The following AK5 variants were observed in gnomAD, a reference collection of about 807,000 sequenced individuals.
AK5 encodes adenylate kinase isoenzyme 5.
Under a neutral mutation model 69.5 loss-of-function variants are expected in AK5, and 27 were observed. The ratio of observed to expected loss-of-function variants is 0.39; its 90% CI spans 0.29 to 0.54. The LOEUF is 0.54. Among genes scored for constraint, AK5 ranks in the 20% least tolerant of loss-of-function variants. AK5 has a pLI of 0.71. For synonymous variants in AK5, 260 were observed against 244.4 expected, an observed-to-expected ratio of 1.06 and a Z score of -0.60; for missense variants, 531 against 700.4, an observed-to-expected ratio of 0.76 and a Z score of 2.73.
In AK5 at chr1:77,452,840, A is replaced by G. The variant is rs187869996; in HGVS notation, c.1060-30477A>G. 6.2e-4 allele frequency among the ~76,000 whole-genome samples: 95 copies of G among 152,344 alleles called. 2 individuals are homozygous for G. The East Asian group carries it at 0.015, about 24-fold the overall frequency. On this transcript the variant is annotated intron_variant, in intron 8 of 13. Transcript: ENST00000354567. ...AGCACACATGCTTTCTTAAATACCT[A>G]CAGCCAGAGTCCAGAACATATCCAT...
chr1:77,404,918 T>A lies in AK5; in HGVS notation c.892-6063T>A, dbSNP rs560786517. Among the ~76,000 whole-genome samples the A allele has an allele frequency of 4.6e-5, 7 of 152,340 alleles. No individual in the cohort carries two copies. The East Asian group carries it at 1.2e-3, about 25-fold the overall frequency. On this transcript the variant is annotated intron_variant, in intron 6 of 13. Coordinates refer to ENST00000354567, the MANE Select transcript of AK5 (RefSeq NM_174858.3). ...TATCTTTTCCTCTTGAATTGGACAA[T>A]CAGCCATTTTAGTCTATGCTGGAAA...
At chr1:77,297,527 A>G (rs1460384328) in intron 3 of AK5, 32 bp from the exon 4 acceptor site, 4 of 1,556,634 alleles carry the variant, frequency 2.6e-6, no homozygotes, top group Non-Finnish European at 3.5e-6. Context: ...ATTGTATCAG[A>G]AGATCACAGT....
chr1:77,558,322 AGT>A (rs995376796), intron 13 of AK5, among the ~76,000 whole-genome samples: 1 of 152,212 alleles, frequency 6.6e-6, no homozygotes, highest in African/African-American at 2.4e-5. Context: ...ACAAGCAATG[AGT>A]GAGAGTTCCT....
chr1:77,282,415 T>C, intron 1 of AK5, 42 bp downstream of exon 1: 2 of 1,529,616 alleles, frequency 1.3e-6, no homozygotes, highest in Non-Finnish European at 1.8e-6. Flanking sequence ...ATCCGGGGAC[T>C]GCATCTCAGG....
At chr1:77,480,938 G>A (rs772134471) in intron 8 of AK5, among the ~76,000 whole-genome samples, 9 of 152,192 alleles carry the variant, frequency 5.9e-5, no homozygotes, top group Non-Finnish European at 1.2e-4. Context: ...AAGCAGGATA[G>A]GGCAGGGGTA....
chr1:77,444,471 TAC>T lies in AK5; in HGVS notation c.1059+26757_1059+26758del, dbSNP rs1316707797. On this transcript the variant is annotated intron_variant, in intron 8 of 13. Transcript: ENST00000354567. ...ATAGTATATACATAGTATAAATATA[TAC>T]TATATATAGTATATACATAGTATAA... Among the ~76,000 whole-genome samples the T allele has an allele frequency of 2.0e-3, 21 of 10,588 alleles. 1 individual carries two copies. The Admixed American group carries it at 0.022, about 11-fold the overall frequency. The allele number at this position is 10,588 out of a possible 152,430, so 6.9% of individuals were successfully genotyped here. A position where few individuals can be genotyped will look rare whatever the true frequency, so the allele number is the denominator to read the frequency against.
At chr1:77,313,203 C>A (rs1660055939) in intron 5 of AK5, among the ~76,000 whole-genome samples, 1 of 152,048 alleles carries the variant, frequency 6.6e-6, no homozygotes, top group Admixed American at 6.6e-5. Context: ...TATCACTTTA[C>A]TCCCCAAGAT....
chr1:77,422,912 A>C (rs986990328), intron 8 of AK5, among the ~76,000 whole-genome samples: 6 of 152,158 alleles, frequency 3.9e-5, no homozygotes, highest in Non-Finnish European at 7.4e-5. Context: ...TGGTGGTGAC[A>C]ACCCCACTTA....
intron 6 of AK5, among the ~76,000 whole-genome samples, chr1:77,373,576 A>G (rs1006268932): frequency 6.6e-6 from 1 of 152,160 alleles, no homozygotes; most frequent in South Asian, 2.1e-4. Flanking sequence ...AAATACAAAA[A>G]TTAGCCAGGC....
At chr1:77,554,771 A>ATT (rs1230738530) in intron 13 of AK5, among the ~76,000 whole-genome samples, 24,105 of 119,472 alleles carry the variant, frequency 0.2, 2,706 homozygotes, top group East Asian at 0.41. Flanking sequence ...ATGCCCGGCT[A>ATT]TTTTTTTTTT....
chr1:77,439,271 G>A (rs545743428), intron 8 of AK5, among the ~76,000 whole-genome samples: 19 of 152,196 alleles, frequency 1.2e-4, no homozygotes, highest in Non-Finnish European at 2.4e-4. Flanking sequence ...AAGGAAAAAT[G>A]AGGAAGATTA....
At chr1:77,542,532 C>A (rs1254425998) in intron 13 of AK5, among the ~76,000 whole-genome samples, 1 of 152,108 alleles carries the variant, frequency 6.6e-6, no homozygotes, top group Non-Finnish European at 1.5e-5. Context: ...ACAAGGAATA[C>A]CCAGAGAGAA....
rs184558234 is a variant in AK5, at chr1:77,459,920, A to G, written c.1060-23397A>G. On this transcript the variant is annotated intron_variant, in intron 8 of 13. Transcript: ENST00000354567. The stretch of plus-strand genomic sequence containing the variant: ...TTTTATAATATTTTAAAGAAATGCA[A>G]TTTATAATCTTTAATCTAGTATAAT... Among the ~76,000 whole-genome samples the G allele has an allele frequency of 5.3e-3, 810 of 152,298 alleles. 15 individuals carry two copies. The highest frequency in any genetic ancestry group is 0.048 in the Admixed American group (733 of 15,294).
intron 12 of AK5, among the ~76,000 whole-genome samples, chr1:77,533,566 GC>G (rs2100351542): frequency 6.7e-6 from 1 of 149,468 alleles, no homozygotes; most frequent in African/African-American, 2.5e-5. Context: ...CGCGTGTTGT[GC>G]CTGAGAGTCT....
chr1:77,484,507 A>C (rs1049898954), intron 9 of AK5, among the ~76,000 whole-genome samples: 1 of 152,224 alleles, frequency 6.6e-6, no homozygotes, highest in African/African-American at 2.4e-5. Flanking sequence ...CACAGTCACC[A>C]AATGACATCT....
intron 8 of AK5, among the ~76,000 whole-genome samples, chr1:77,466,916 T>A (rs1406135316): frequency 6.6e-6 from 1 of 152,126 alleles, no homozygotes; most frequent in Non-Finnish European, 1.5e-5. Flanking sequence ...AGGGTAGGGA[T>A]CTAGTGCTTT....
At position 77,368,302 on chromosome 1, in the gene AK5, A is replaced by C. The variant is rs566948525; in HGVS notation, c.891+27734A>C. Among the ~76,000 whole-genome samples, 661 of 98,180 alleles carry C rather than the reference A, an allele frequency of 6.7e-3. 12 individuals are homozygous for C. Among genetic ancestry groups the C allele is most frequent in the African/African-American group, 0.024 (635 of 26,452 alleles). The allele number at this position is 98,180 out of a possible 152,430, so 64.4% of individuals were successfully genotyped here. A position where few individuals can be genotyped will look rare whatever the true frequency, so the allele number is the denominator to read the frequency against. Reference sequence around the variant, plus strand: ...TATATGTTATATATATGTTATATATAATATATATGTTATATATAATATATA... The same window carrying C: ...TATATGTTATATATATGTTATATATCATATATATGTTATATATAATATATA... On this transcript the variant is annotated intron_variant, in intron 6 of 13. Transcript: ENST00000354567.
chr1:77,325,764 C>A (rs976438998), intron 5 of AK5, among the ~76,000 whole-genome samples: 5 of 151,686 alleles, frequency 3.3e-5, no homozygotes, highest in African/African-American at 1.2e-4. Flanking sequence ...GCATCTCTTT[C>A]ATCTAGTGTG....
At chr1:77,490,043 A>G (rs1205284432) in intron 10 of AK5, among the ~76,000 whole-genome samples, 1 of 152,180 alleles carries the variant, frequency 6.6e-6, no homozygotes, top group African/African-American at 2.4e-5. Context: ...TACATCATTC[A>G]TTTGGGTACT....
Sources: gnomAD v4.1 joint callset for allele counts (sites outside exome capture counted in the v4.1 genomes callset) on GRCh38, gnomAD v4.1.1 for gene constraint, MANE v1.5 for transcripts, NCBI Gene and HGNC (gene_info 2026-07-23, HGNC 2026-07-21) for gene names.